SHLD2: variants seen among roughly 807,000 people sequenced by gnomAD.
The protein encoded by SHLD2 is shieldin complex subunit 2, also known as RINN1-REV7-interacting novel NHEJ regulator 2.
In SHLD2, 30 loss-of-function variants were observed where a neutral mutation model predicts 73.2. That is an observed-to-expected ratio of 0.41 (90% confidence interval 0.31 to 0.56). The LOEUF (loss-of-function observed/expected upper bound fraction) is 0.56. Ranked by LOEUF, SHLD2 falls within the 20% of genes least tolerant of loss-of-function variation. SHLD2 has a pLI of 0.28. For synonymous variants in SHLD2, 285 were observed against 370.1 expected, an observed-to-expected ratio of 0.77 and a Z score of 2.64; for missense variants, 745 against 1,055.9, an observed-to-expected ratio of 0.71 and a Z score of 4.08.
rs1213111501 is a variant in SHLD2 at position 87,152,556 on chromosome 10, A to C, written c.1202A>C (p.Lys401Thr). 1 of 1,611,586 alleles carries C rather than the reference A, an allele frequency of 6.2e-7. No individual in the cohort carries two copies. The highest frequency in any genetic ancestry group is 1.7e-5 in the Admixed American group (1 of 59,870). The change falls in exon 3 of 10, where the codon AAA becomes ACA. Residue 401 changes from lysine to threonine, a missense_variant. By Grantham distance (78) the Lys-to-Thr change is moderately conservative (BLOSUM62 -1). Around this residue, in one of 5 missense-constraint regions of SHLD2, gnomAD observed 1 missense variants for 21.0 expected, o/e 0.05. Coordinates refer to ENST00000298786, the MANE Select transcript of SHLD2 (RefSeq NM_001330112.2). ...TCTAGAGTCCTTCAAGTAGCTAAGAAAATGAAGTTGATTTCTAATGGAGGA... is the reference window on the plus strand; with the variant it reads ...TCTAGAGTCCTTCAAGTAGCTAAGACAATGAAGTTGATTTCTAATGGAGGA... ...ALSRVLQVAKKMKLISNGGDS... is the reference protein window; with the variant it reads ...ALSRVLQVAKTMKLISNGGDS...
chr10:87,127,625 G>A (rs886520468), intron 2 of SHLD2, among the ~76,000 whole-genome samples: 1 of 147,958 alleles, frequency 6.8e-6, no homozygotes, highest in Non-Finnish European at 1.5e-5. Context: ...GGGTAGACAA[G>A]GTAAGTATTC....
intron 4 of SHLD2, among the ~76,000 whole-genome samples, chr10:87,160,708 G>A (rs1476029836): frequency 6.6e-5 from 10 of 151,886 alleles, no homozygotes; most frequent in Admixed American, 4.6e-4. Flanking sequence ...AGAGGCATCT[G>A]GTCTGGTGCG....
chr10:87,116,898 A>AGTG (rs1178414983), intron 2 of SHLD2, among the ~76,000 whole-genome samples: 3 of 152,150 alleles, frequency 2.0e-5, no homozygotes, highest in African/African-American at 7.2e-5. Flanking sequence ...GAGTGTTTGA[A>AGTG]GTGGTGGGCC....
chr10:87,126,005 A>G (rs1037988137), intron 2 of SHLD2, among the ~76,000 whole-genome samples: 3 of 152,188 alleles, frequency 2.0e-5, no homozygotes, highest in African/African-American at 7.2e-5. Flanking sequence ...ATTGTGTTGG[A>G]TAACTTTGTC....
In SHLD2 at chr10:87,151,609, T is replaced by G. The variant is rs778010684; in HGVS notation, c.255T>G (p.His85Gln). The G allele has an allele frequency of 8.7e-6, 14 of 1,611,676 alleles. No individual in the cohort carries two copies. The highest frequency in any genetic ancestry group is 3.3e-5 in the Admixed American group (2 of 59,984). ...TCTTAGCAAACTGTATGAATAGACA[T>G]GTTCATGTGAAAGATGACTTTGTAC... ...GHFLANCMNR[H>Q]VHVKDDFVRS... Residue 85 changes from histidine to glutamine, a missense_variant, in exon 3 of 10, where the codon CAT becomes CAG. His to Gln is a conservative substitution (Grantham distance 24). This residue lies in a region of SHLD2 where 280 missense variants were observed against 353.9 expected (regional missense o/e 0.79). Coordinates refer to ENST00000298786, the MANE Select transcript of SHLD2 (RefSeq NM_001330112.2).
chr10:87,178,755 A>G (rs1270732551), intron 7 of SHLD2, among the ~76,000 whole-genome samples: 2 of 152,182 alleles, frequency 1.3e-5, no homozygotes, highest in Non-Finnish European at 2.9e-5. Context: ...GTGATTTGAC[A>G]TGTCTTTGGA....
At chr10:87,118,262 A>G (rs1589461463) in intron 2 of SHLD2, among the ~76,000 whole-genome samples, 1 of 152,158 alleles carries the variant, frequency 6.6e-6, no homozygotes, top group African/African-American at 2.4e-5. Flanking sequence ...TTGGTTATGG[A>G]ACCTTATTAT....
upstream of SHLD2, chr10:87,094,691 C>T: frequency 6.7e-7 from 1 of 1,499,346 alleles, no homozygotes; most frequent in Non-Finnish European, 8.9e-7. The surrounding 1 kb of genome is among the most constrained non-coding windows in gnomAD (Gnocchi z 6.6). Context: ...AGCAACGCGG[C>T]CGAGTCGGCG....
chr10:87,161,497 G>A (rs984297233), intron 4 of SHLD2, among the ~76,000 whole-genome samples: 22 of 152,012 alleles, frequency 1.4e-4, no homozygotes, highest in Admixed American at 1.0e-3. Flanking sequence ...AATAAACAGA[G>A]GGCATAATGA....
At chr10:87,105,190 A>G (rs993475433) in intron 2 of SHLD2, among the ~76,000 whole-genome samples, 1 of 152,202 alleles carries the variant, frequency 6.6e-6, no homozygotes, top group African/African-American at 2.4e-5. Flanking sequence ...TTTTAGATCA[A>G]TTGTAATTTC....
intron 2 of SHLD2, among the ~76,000 whole-genome samples, chr10:87,107,954 G>A (rs1341698257): frequency 6.6e-6 from 1 of 152,000 alleles, no homozygotes; most frequent in Non-Finnish European, 1.5e-5. Context: ...TGCAATCTCA[G>A]CTCATGGCAA....
intron 6 of SHLD2, among the ~76,000 whole-genome samples, chr10:87,171,672 A>C (rs1847601901): frequency 6.6e-6 from 1 of 152,180 alleles, no homozygotes; most frequent in South Asian, 2.1e-4. Flanking sequence ...TTGATTCAGT[A>C]TATTATTATT....
chr10:87,188,107 T>G (rs983809573), intron 9 of SHLD2, among the ~76,000 whole-genome samples: 3 of 152,204 alleles, frequency 2.0e-5, no homozygotes, highest in Non-Finnish European at 2.9e-5. Flanking sequence ...ATTTGGTGCA[T>G]CCTAACCTGG....
At chr10:87,094,980 C>A (rs1208909998), upstream of SHLD2, 2 of 202,618 alleles carry the variant, frequency 9.9e-6, no homozygotes, top group Non-Finnish European at 1.9e-5. The surrounding 1 kb of genome is among the most constrained non-coding windows in gnomAD (Gnocchi z 6.6). Context: ...CGGGCCTCCG[C>A]CTCCGCCGCG....
At chr10:87,117,974 C>G (rs971812022) in intron 2 of SHLD2, among the ~76,000 whole-genome samples, 1 of 152,152 alleles carries the variant, frequency 6.6e-6, no homozygotes, top group Non-Finnish European at 1.5e-5. Flanking sequence ...ATTGGTAATT[C>G]ACAATGAACC....
intron 2 of SHLD2, among the ~76,000 whole-genome samples, chr10:87,110,562 G>T (rs1425928969): frequency 5.0e-5 from 7 of 140,916 alleles, no homozygotes; most frequent in African/African-American, 1.6e-4. Context: ...AGCTGAGATT[G>T]CACCATTGCA....
At chr10:87,102,483 A>G (rs6586056) in intron 2 of SHLD2, among the ~76,000 whole-genome samples, 100,855 of 151,804 alleles carry the variant, frequency 0.66, 33,949 homozygotes, top group East Asian at 0.84. Context: ...TGAGACAGGC[A>G]GATTACCTGA....
At chr10:87,143,862 C>CTTTTTTTTTTTTT (rs61651864) in intron 2 of SHLD2, among the ~76,000 whole-genome samples, 9 of 104,756 alleles carry the variant, frequency 8.6e-5, no homozygotes, top group African/African-American at 1.3e-4. Context: ...TTTATTCTTT[C>CTTTTTTTTTTTTT]TTTTTTTTTT....
In SHLD2 at chr10:87,175,889, G is replaced by A; in HGVS notation, c.1964G>A (p.Gly655Asp). The A allele has an allele frequency of 6.5e-7, 1 of 1,548,540 alleles. No homozygotes were observed. The highest frequency in any genetic ancestry group is 1.2e-5 in the South Asian group (1 of 83,600). The stretch of plus-strand genomic sequence containing the variant: ...TTTTGTTTTTACTGTTTTTTTTAAG[G>A]TTATATTTGGGAATTTAAATATCTT... ...AWYPQLQRKK[G>D]YIWEFKYLFV... Residue 655 changes from glycine to aspartate, a missense_variant and splice_region_variant, in exon 7 of 10, where the codon GGT (glycine) becomes GAT (aspartate). By Grantham distance (94) the Gly-to-Asp change is moderately conservative. Coordinates refer to ENST00000298786, the MANE Select transcript of SHLD2 (RefSeq NM_001330112.2).
Sources: gnomAD v4.1 joint callset for allele counts (sites outside exome capture counted in the v4.1 genomes callset) on GRCh38, gnomAD v4.1.1 for gene constraint, gnomAD v4.1.1 regional missense constraint, Gnocchi (gnomAD v3.1) non-coding constraint, MANE v1.5 for transcripts, NCBI Gene and HGNC (gene_info 2026-07-23, HGNC 2026-07-21) for gene names.